Variants in ANKS1A observed in about 807,000 individuals in gnomAD.
ANKS1A encodes the protein ankyrin repeat and sterile alpha motif domain containing 1A.
ANKS1A carries 55 observed loss-of-function variants against 120.3 expected under a neutral mutation model. That is an observed-to-expected ratio of 0.46 (90% CI 0.37 to 0.57). The LOEUF (loss-of-function observed/expected upper bound fraction) is 0.57, where lower values mean the gene tolerates loss of function less well. Ranked by LOEUF, ANKS1A falls within the 20% of genes least tolerant of loss-of-function variation. ANKS1A has a pLI of 0.00. For missense variants in ANKS1A, 1,123 were observed against 1,480.3 expected, an observed-to-expected ratio of 0.76 and a Z score of 3.96; for synonymous variants, 590 against 604.7, an observed-to-expected ratio of 0.98 and a Z score of 0.36.
At chr6:34,964,441 C>A (rs1338842077) in intron 1 of ANKS1A, among the ~76,000 whole-genome samples, 1 of 152,280 alleles carries the variant, frequency 6.6e-6, no homozygotes, top group East Asian at 1.9e-4. Flanking sequence ...GAGTGCTCTT[C>A]CAGTCACCAT....
intron 11 of ANKS1A, chr6:35,038,138 C>G: frequency 2.2e-6 from 1 of 455,316 alleles, no homozygotes; most frequent in Non-Finnish European, 4.4e-6. Context: ...TGCCTTTCCT[C>G]TAACTCCAAC....
At chr6:34,979,468 C>T (rs1447740451) in intron 3 of ANKS1A, among the ~76,000 whole-genome samples, 2 of 152,164 alleles carry the variant, frequency 1.3e-5, no homozygotes, top group African/African-American at 4.8e-5. Flanking sequence ...TGTGGTTAGA[C>T]CATTTTTAAC....
chr6:34,991,541 TACACACACACACACACACACACACAC>T (rs149416311), intron 9 of ANKS1A, among the ~76,000 whole-genome samples: 1 of 138,484 alleles, frequency 7.2e-6, no homozygotes, highest in Non-Finnish European at 1.5e-5. Context: ...AAAAAATATA[TACACACACACACACACACACACACAC>T]ACACACACAC....
intron 2 of ANKS1A, 98 bp from the exon 3 acceptor site, chr6:34,969,912 A>C: frequency 7.1e-7 from 1 of 1,405,448 alleles, no homozygotes; most frequent in Non-Finnish European, 9.7e-7. Context: ...GCCAAATGAG[A>C]TATCTGTGAA....
intron 1 of ANKS1A, among the ~76,000 whole-genome samples, chr6:34,951,901 T>G (rs1233808639): frequency 2.0e-5 from 3 of 152,140 alleles, no homozygotes; most frequent in Non-Finnish European, 2.9e-5. Context: ...TCAGTATTCT[T>G]TATTGGTTTC....
At position 35,086,325 on chromosome 6, in the gene ANKS1A, G is replaced by C. The variant is rs150043621; in HGVS notation, c.3303+389G>C. On this transcript the variant is annotated intron_variant, in intron 22 of 23. Transcript: ENST00000360359. The surrounding 1 kb of genome is among the most constrained non-coding windows in gnomAD (Gnocchi z 5.1). ...TACTGTCACACCTGCACCACCCACC[G>C]TCCTTCCTACCTACCGCTGCCATCT... 651 of 1,303,248 alleles carry C rather than the reference G, an allele frequency of 5.0e-4. 5 individuals are homozygous for C. In the South Asian group the frequency reaches 6.6e-3, roughly 13 times the overall value. 80.7% of individuals were successfully genotyped at this position (1,303,248 alleles called of 1,614,324 possible). A position where few individuals can be genotyped will look rare whatever the true frequency, so the allele number is the denominator to read the frequency against.
intron 13 of ANKS1A, among the ~76,000 whole-genome samples, chr6:35,065,702 G>T (rs1050914751): frequency 6.6e-6 from 1 of 152,252 alleles, no homozygotes; most frequent in Non-Finnish European, 1.5e-5. Flanking sequence ...TTGGAGCCTG[G>T]CACTGGGGCC....
intron 1 of ANKS1A, among the ~76,000 whole-genome samples, chr6:34,912,470 A>G (rs1212155646): frequency 2.6e-5 from 4 of 152,134 alleles, no homozygotes; most frequent in African/African-American, 9.7e-5. Context: ...TTCAGGGAGT[A>G]GGAGCTCCAG....
At chr6:34,906,952 A>T (rs767104997) in intron 1 of ANKS1A, among the ~76,000 whole-genome samples, 1 of 152,204 alleles carries the variant, frequency 6.6e-6, no homozygotes, top group Non-Finnish European at 1.5e-5. Context: ...TTACCGAGTA[A>T]TGAAGGTTAA....
chr6:34,962,025 AT>A (rs1379571502), intron 1 of ANKS1A, among the ~76,000 whole-genome samples: 1 of 152,068 alleles, frequency 6.6e-6, no homozygotes, highest in Non-Finnish European at 1.5e-5. Flanking sequence ...TAATGATGAT[AT>A]TTTCTCTTGT....
At chr6:35,037,185 A>G (rs1053796790) in intron 11 of ANKS1A, among the ~76,000 whole-genome samples, 5 of 152,260 alleles carry the variant, frequency 3.3e-5, no homozygotes, top group Admixed American at 2.0e-4. Context: ...ATAAATGGCT[A>G]TAATGAATAT....
chr6:34,910,866 A>C (rs1242736663), intron 1 of ANKS1A, among the ~76,000 whole-genome samples: 1 of 151,852 alleles, frequency 6.6e-6, no homozygotes, highest in Non-Finnish European at 1.5e-5. Flanking sequence ...ATCTCAAAAA[A>C]AAAAAAAAAG....
intron 3 of ANKS1A, 112 bp downstream of exon 3, chr6:34,970,278 C>CT: frequency 7.9e-7 from 1 of 1,269,390 alleles, no homozygotes; most frequent in Admixed American, 2.9e-5. Flanking sequence ...TCTTCCTTTT[C>CT]TTTCTTTTTG....
In ANKS1A at chr6:34,896,927, G is replaced by A. The variant is rs187894974; in HGVS notation, c.197+7328G>A. 5.4e-3 allele frequency among the ~76,000 whole-genome samples: 819 copies of A among 152,054 alleles called. 5 individuals are homozygous for A. Among genetic ancestry groups the A allele is most frequent in the Non-Finnish European group, 7.4e-3 (501 of 67,980 alleles). Reference sequence around the variant, plus strand: ...TGTAGTGAGCCAAGATCGTGCCATTGCACTCCAGCCTGGGCAAAAAAGAGC... The same window carrying A: ...TGTAGTGAGCCAAGATCGTGCCATTACACTCCAGCCTGGGCAAAAAAGAGC... On this transcript the variant is annotated intron_variant, in intron 1 of 23. Transcript: ENST00000360359.
intron 1 of ANKS1A, among the ~76,000 whole-genome samples, chr6:34,905,539 C>T (rs1331489158): frequency 6.6e-6 from 1 of 152,194 alleles, no homozygotes; most frequent in Non-Finnish European, 1.5e-5. Context: ...CATTTATTTG[C>T]TCAGTTTACC....
rs4276486 is a variant in ANKS1A, at chr6:35,086,895, G to A, written c.3304-57G>A. The A allele has an allele frequency of 3.9e-6, 6 of 1,549,924 alleles. No individual in the cohort carries two copies. In the African/African-American group the frequency reaches 6.8e-5, roughly 18 times the overall value. ...GGCCTGGGGGTGGGAGGGGCCTGCT[G>A]CCTCCAGCCCTGGCACAGAGCTCCC... On this transcript the variant is annotated intron_variant, in intron 22 of 23. Coordinates refer to ENST00000360359, the MANE Select transcript of ANKS1A (RefSeq NM_015245.3). The surrounding 1 kb of genome is among the most constrained non-coding windows in gnomAD (Gnocchi z 5.1).
chr6:34,956,680 T>C (rs558918302), intron 1 of ANKS1A, among the ~76,000 whole-genome samples: 1 of 152,320 alleles, frequency 6.6e-6, no homozygotes, highest in Admixed American at 6.5e-5. Context: ...TCCAGCATTA[T>C]GGAAGCCAAG....
chr6:34,981,006 C>A (rs937853228), intron 3 of ANKS1A, among the ~76,000 whole-genome samples: 1 of 152,156 alleles, frequency 6.6e-6, no homozygotes, highest in African/African-American at 2.4e-5. Flanking sequence ...TGCTGGCTGC[C>A]ATTTTAATGA....
chr6:35,087,260 G>A (rs1741255020), intron 23 of ANKS1A, among the ~76,000 whole-genome samples: 1 of 152,210 alleles, frequency 6.6e-6, no homozygotes, highest in Non-Finnish European at 1.5e-5. Context: ...ACCGAACACT[G>A]TGAATTCTCC....
Sources: gnomAD v4.1 joint callset for allele counts (sites outside exome capture counted in the v4.1 genomes callset) on GRCh38, gnomAD v4.1.1 for gene constraint, Gnocchi (gnomAD v3.1) non-coding constraint, MANE v1.5 for transcripts, NCBI Gene and HGNC (gene_info 2026-07-23, HGNC 2026-07-21) for gene names.